PLCL1: variants seen among roughly 807,000 people sequenced by gnomAD.
The protein encoded by PLCL1 is phospholipase C like 1 (inactive).
A neutral mutation model predicts 84.4 loss-of-function variants in PLCL1; 41 were observed. The observed-to-expected ratio is 0.49, with a 90% CI of 0.38 to 0.63. The LOEUF is 0.63. PLCL1 is among the 30% of genes least tolerant of loss of function. The probability of loss-of-function intolerance (pLI) is 0.00; values close to 1 mark genes in which losing one functional copy is unlikely to be tolerated. For synonymous variants in PLCL1, 490 were observed against 488.3 expected (o/e 1.00, Z -0.05); for missense variants, 1,206 against 1,367.8 (o/e 0.88, Z 1.87).
At chr2:198,107,873 C>G (rs1368693208) in intron 5 of PLCL1, among the ~76,000 whole-genome samples, 1 of 151,820 alleles carries the variant, frequency 6.6e-6, no homozygotes, top group Non-Finnish European at 1.5e-5. Context: ...GAGAACATTT[C>G]CACACTTCCA....
At position 198,085,942 on chromosome 2, in the gene PLCL1, A is replaced by T; in HGVS notation, c.2425A>T (p.Ile809Leu). The part of the protein sequence containing the change: ...LDDDYIGDEF[I>L]GQYTIPFECL... ...TGATGACTACATTGGGGATGAGTTT[A>T]TAGGGCAATATACGATACCATTTGA... Residue 809 changes from isoleucine (I) to leucine (L), a missense_variant, in exon 2 of 6, where the codon ATA becomes TTA. Physicochemically the swap from Ile to Leu is conservative, Grantham distance 5. Transcript: ENST00000428675. This position sits in a 1 kb window ranked among gnomAD's most constrained non-coding sequence, Gnocchi z 5.3. 6.2e-7 allele frequency: 1 copy of T among 1,614,138 alleles called. No individual in the cohort carries two copies. The highest frequency in any genetic ancestry group is 1.6e-4 in the Middle Eastern group (1 of 6,062).
chr2:198,131,297 C>T (rs189359909), intron 5 of PLCL1, among the ~76,000 whole-genome samples: 5 of 152,248 alleles, frequency 3.3e-5, no homozygotes, highest in Admixed American at 3.3e-4. Flanking sequence ...TCATGGACAC[C>T]TCACCTTCTC....
chr2:197,862,942 T>A (rs2105695450), intron 1 of PLCL1, among the ~76,000 whole-genome samples: 1 of 152,114 alleles, frequency 6.6e-6, no homozygotes, highest in Non-Finnish European at 1.5e-5. Flanking sequence ...ACTTCAAAAG[T>A]AGGGTAAAGC....
intron 1 of PLCL1, among the ~76,000 whole-genome samples, chr2:197,907,440 AT>A (rs1688408080): frequency 6.6e-6 from 1 of 151,894 alleles, no homozygotes; most frequent in African/African-American, 2.4e-5. Context: ...GGTTTCACAT[AT>A]TGGCCAGGCT....
At chr2:198,075,824 A>G (rs1692565583) in intron 1 of PLCL1, among the ~76,000 whole-genome samples, 1 of 152,222 alleles carries the variant, frequency 6.6e-6, no homozygotes, top group Non-Finnish European at 1.5e-5. Flanking sequence ...TCATACATTA[A>G]AATTTATTCC....
intron 1 of PLCL1, among the ~76,000 whole-genome samples, chr2:197,935,937 C>T (rs1248894476): frequency 2.6e-5 from 4 of 152,172 alleles, no homozygotes; most frequent in Admixed American, 6.5e-5. Flanking sequence ...AGCTGTCATT[C>T]TACTATCTAC....
rs374518934 is a variant in PLCL1 at position 198,055,329 on chromosome 2, C to CTCTCTCTCTCTCTCTG, written c.241-28428_241-28427insCTCTCTCTCTCTCTGT. On this transcript the variant is annotated intron_variant, in intron 1 of 5. Transcript: ENST00000428675. ...TCTCTCTCTCTCTCTCTCTCTCTCT[C>CTCTCTCTCTCTCTCTG]TGTGTGTGTGTGTGTCTGTGTATGA... 1.0e-3 allele frequency among the ~76,000 whole-genome samples: 115 copies of CTCTCTCTCTCTCTCTG among 112,334 alleles called. 1 individual carries two copies. The highest frequency in any genetic ancestry group is 3.9e-3 in the African/African-American group (110 of 28,514). The allele number at this position is 112,334 out of a possible 152,430, so 73.7% of individuals were successfully genotyped here.
At chr2:198,082,298 C>G (rs1327627664) in intron 1 of PLCL1, among the ~76,000 whole-genome samples, 1 of 152,010 alleles carries the variant, frequency 6.6e-6, no homozygotes, top group Non-Finnish European at 1.5e-5. Flanking sequence ...AATTACAACT[C>G]AAGAACATGG....
At position 198,086,045 on chromosome 2, in the gene PLCL1, T is replaced by A; in HGVS notation, c.2528T>A (p.Val843Asp). 3 of 1,614,046 alleles carry A rather than the reference T, an allele frequency of 1.9e-6. No individual in the cohort carries two copies. The highest frequency in any genetic ancestry group is 1.7e-6 in the Non-Finnish European group (2 of 1,179,976). The change falls in exon 2 of 6, where the codon GTC (valine) becomes GAC (aspartate). Residue 843 changes from valine (V) to aspartate (D), a missense_variant. By Grantham distance (152) the Val-to-Asp change is radical. Coordinates refer to ENST00000428675, the MANE Select transcript of PLCL1 (RefSeq NM_006226.4). The stretch of plus-strand genomic sequence containing the variant: ...ATCATGGAGCACGTAACCCTTTTTG[T>A]CCACATAGCAATAACTAATCGAAGT... ...GDIMEHVTLF[V>D]HIAITNRSGG...
chr2:197,866,906 G>A (rs1323570588), intron 1 of PLCL1, among the ~76,000 whole-genome samples: 3 of 152,136 alleles, frequency 2.0e-5, no homozygotes, highest in Non-Finnish European at 4.4e-5. Context: ...ACCCCATGGC[G>A]ATCATCGTTT....
chr2:197,843,604 G>A (rs1417487891), intron 1 of PLCL1, among the ~76,000 whole-genome samples: 2 of 152,110 alleles, frequency 1.3e-5, no homozygotes, highest in African/African-American at 2.4e-5. Context: ...GAACACAAAT[G>A]GAGTATCCTG....
intron 1 of PLCL1, among the ~76,000 whole-genome samples, chr2:198,058,430 A>G (rs1692116434): frequency 6.6e-6 from 1 of 152,070 alleles, no homozygotes; most frequent in South Asian, 2.1e-4. Flanking sequence ...TCAAAATAAT[A>G]TTAAATTATA....
Position 198,084,033 on chromosome 2 carries a change from G to A in PLCL1, c.516G>A (p.Thr172=), listed in dbSNP as rs750066298. 14 of 1,614,024 alleles carry A rather than the reference G, an allele frequency of 8.7e-6. No homozygotes were observed. The highest frequency in any genetic ancestry group is 8.3e-5 in the Admixed American group (5 of 59,992). ...AAGAGATCAGACTGGGGAAAAACAC[G>A]GAAACATTTAGAAACAATGGCCTTG... ...AIKEIRLGKN[T]ETFRNNGLAD... is the part of the protein sequence containing the mutation. The change falls in exon 2 of 6, where the codon ACG becomes ACA. Residue 172 remains threonine, a synonymous_variant. Coordinates refer to ENST00000428675, the MANE Select transcript of PLCL1 (RefSeq NM_006226.4).
chr2:197,897,540 C>T (rs1688177269), intron 1 of PLCL1, among the ~76,000 whole-genome samples: 1 of 151,746 alleles, frequency 6.6e-6, no homozygotes, highest in African/African-American at 2.4e-5. Context: ...ATAAGGGTAC[C>T]TAACTTATTT....
chr2:197,997,284 G>C (rs563860260), intron 1 of PLCL1, among the ~76,000 whole-genome samples: 52 of 152,304 alleles, frequency 3.4e-4, no homozygotes, highest in Non-Finnish European at 6.9e-4. Flanking sequence ...TCTTTGTTTG[G>C]CTCTGTCTTT....
At chr2:198,001,363 A>G (rs1377727223) in intron 1 of PLCL1, among the ~76,000 whole-genome samples, 2 of 152,220 alleles carry the variant, frequency 1.3e-5, no homozygotes, top group African/African-American at 2.4e-5. Context: ...ACTACACACA[A>G]GAGTGTACAA....
chr2:197,935,641 C>G (rs146894274), intron 1 of PLCL1, among the ~76,000 whole-genome samples: 2 of 152,152 alleles, frequency 1.3e-5, no homozygotes, highest in East Asian at 3.9e-4. Flanking sequence ...GGGAGAGGAT[C>G]GAAAAACTAC....
At chr2:198,072,982 C>G (rs570453480) in intron 1 of PLCL1, among the ~76,000 whole-genome samples, 2 of 152,090 alleles carry the variant, frequency 1.3e-5, no homozygotes, top group East Asian at 1.9e-4. Context: ...TTGACACAGC[C>G]CTATGAATCA....
At chr2:197,941,515 C>T (rs1217814781) in intron 1 of PLCL1, among the ~76,000 whole-genome samples, 1 of 152,180 alleles carries the variant, frequency 6.6e-6, no homozygotes, top group South Asian at 2.1e-4. Flanking sequence ...TGGTCTCGAA[C>T]TCTGGGCTCA....
Sources: gnomAD v4.1 joint callset for allele counts (sites outside exome capture counted in the v4.1 genomes callset) on GRCh38, gnomAD v4.1.1 for gene constraint, Gnocchi (gnomAD v3.1) non-coding constraint, MANE v1.5 for transcripts, NCBI Gene and HGNC (gene_info 2026-07-23, HGNC 2026-07-21) for gene names.